Variants in ERBB4 observed in about 807,000 individuals in gnomAD.
The protein encoded by ERBB4 is receptor tyrosine-protein kinase erbB-4.
ERBB4 carries 42 observed loss-of-function variants against 158.0 expected under a neutral mutation model. The ratio of observed to expected loss-of-function variants is 0.27; its 90% CI spans 0.21 to 0.34. ERBB4 has a LOEUF of 0.34. ERBB4 is among the 10% of genes least tolerant of loss of function. The pLI, the probability that ERBB4 is intolerant of heterozygous loss-of-function variation, is 1.00. For missense variants in ERBB4, 1,333 were observed against 1,624.1 expected, an observed-to-expected ratio of 0.82 and a Z score of 3.08; for synonymous variants, 583 against 558.7, an observed-to-expected ratio of 1.04 and a Z score of -0.61.
At chr2:212,526,711 G>T (rs994670980) in intron 1 of ERBB4, among the ~76,000 whole-genome samples, 1 of 151,966 alleles carries the variant, frequency 6.6e-6, no homozygotes. Flanking sequence ...TAACTGAAAT[G>T]CATTGTTTCA....
At chr2:212,396,876 A>G (rs1377921017) in intron 1 of ERBB4, among the ~76,000 whole-genome samples, 3 of 152,186 alleles carry the variant, frequency 2.0e-5, no homozygotes, top group Non-Finnish European at 1.5e-5. Context: ...TCATCATAAT[A>G]ACCTCCTACA....
At chr2:212,483,788 G>C (rs1429340992) in intron 1 of ERBB4, among the ~76,000 whole-genome samples, 1 of 152,154 alleles carries the variant, frequency 6.6e-6, no homozygotes, top group Non-Finnish European at 1.5e-5. Context: ...CCAGGCTGGA[G>C]TGCAGTGGCG....
intron 1 of ERBB4, among the ~76,000 whole-genome samples, chr2:212,337,989 T>C (rs2088525642): frequency 6.6e-6 from 1 of 152,110 alleles, no homozygotes; most frequent in African/African-American, 2.4e-5. Flanking sequence ...TGAATGCCAT[T>C]AGTAACTGTG....
At chr2:211,450,653 G>A (rs2125476344) in intron 20 of ERBB4, among the ~76,000 whole-genome samples, 1 of 152,276 alleles carries the variant, frequency 6.6e-6, no homozygotes. Flanking sequence ...CTGATTGGAT[G>A]GTGATATATG....
intron 9 of ERBB4, among the ~76,000 whole-genome samples, chr2:211,709,272 T>TATATATATATATATATAC (rs1216222413): frequency 4.3e-5 from 6 of 141,082 alleles, no homozygotes; most frequent in African/African-American, 1.7e-4. Context: ...TATATATATA[T>TATATATATATATATATAC]ATACATACAT....
chr2:211,560,711 T>C (rs778090585), intron 20 of ERBB4, among the ~76,000 whole-genome samples: 3 of 152,166 alleles, frequency 2.0e-5, no homozygotes, highest in Non-Finnish European at 4.4e-5. Flanking sequence ...TTCATTGCCA[T>C]AAAGAATCCT....
rs145624362 is a variant in ERBB4, at chr2:212,342,234, T to C, written c.82+196215A>G. On this transcript the variant is annotated intron_variant, in intron 1 of 27. Transcript: ENST00000342788. ...TACAAGCAACATAAATGATATGATT[T>C]GGCTGTGTCCCAACTCAAATCTCAT... 2.6e-5 allele frequency among the ~76,000 whole-genome samples: 4 copies of C among 152,324 alleles called. No homozygotes were observed. In the East Asian group the frequency reaches 7.7e-4, roughly 29 times the overall value.
chr2:212,103,708 T>A (rs1359391251), intron 2 of ERBB4, among the ~76,000 whole-genome samples: 1 of 137,606 alleles, frequency 7.3e-6, no homozygotes, highest in East Asian at 1.9e-4. Flanking sequence ...TGCAATCCAA[T>A]GTCTGATTTT....
chr2:211,803,010 AC>A (rs1420958565), intron 3 of ERBB4, among the ~76,000 whole-genome samples: 2 of 152,236 alleles, frequency 1.3e-5, no homozygotes, highest in Non-Finnish European at 2.9e-5. Flanking sequence ...AAAAGTTGGC[AC>A]ATTTTCAAGG....
intron 1 of ERBB4, among the ~76,000 whole-genome samples, chr2:212,501,266 G>T (rs150026817): frequency 1.6e-4 from 25 of 152,310 alleles, no homozygotes; most frequent in South Asian, 4.1e-4. Context: ...AAAGTTCTCT[G>T]TGGTGACTTT....
chr2:211,748,438 G>T (rs1486998751), intron 5 of ERBB4, among the ~76,000 whole-genome samples: 1 of 152,172 alleles, frequency 6.6e-6, no homozygotes, highest in East Asian at 1.9e-4. Flanking sequence ...GTGGTGGGAG[G>T]AAGTAATTTT....
intron 1 of ERBB4, among the ~76,000 whole-genome samples, chr2:212,456,509 C>T (rs1308385924): frequency 6.6e-6 from 1 of 151,488 alleles, no homozygotes; most frequent in African/African-American, 2.4e-5. Context: ...TATAAAAAGA[C>T]TGAGTCTGCT....
chr2:212,161,270 T>C (rs992573921), intron 1 of ERBB4, among the ~76,000 whole-genome samples: 1 of 151,978 alleles, frequency 6.6e-6, no homozygotes, highest in African/African-American at 2.4e-5. Flanking sequence ...GAAGTTTCTA[T>C]GTAATTTCCT....
At chr2:212,363,726 A>C (rs2089779877) in intron 1 of ERBB4, among the ~76,000 whole-genome samples, 1 of 151,718 alleles carries the variant, frequency 6.6e-6, no homozygotes, top group Admixed American at 6.6e-5. Context: ...ATATGGATTT[A>C]CACTGGAAAA....
intron 1 of ERBB4, among the ~76,000 whole-genome samples, chr2:212,198,978 A>G (rs2082513504): frequency 1.3e-5 from 2 of 152,024 alleles, no homozygotes; most frequent in South Asian, 2.1e-4. Context: ...ACATTAATTC[A>G]CAAATATCTG....
chr2:211,661,633 C>A (rs62185367), intron 15 of ERBB4, among the ~76,000 whole-genome samples: 56,863 of 151,894 alleles, frequency 0.37, 11,532 homozygotes, highest in Middle Eastern at 0.5. Flanking sequence ...TTTAAAAATT[C>A]TCCATTAAAA....
intron 1 of ERBB4, among the ~76,000 whole-genome samples, chr2:212,463,223 A>G (rs902745974): frequency 6.6e-6 from 1 of 152,100 alleles, no homozygotes; most frequent in Non-Finnish European, 1.5e-5. Context: ...CGACAATTAT[A>G]TATTTTCAAA....
At chr2:212,139,659 A>G (rs778695772) in intron 1 of ERBB4, among the ~76,000 whole-genome samples, 1 of 151,982 alleles carries the variant, frequency 6.6e-6, no homozygotes, top group Non-Finnish European at 1.5e-5. Flanking sequence ...AATTTCTGAG[A>G]GTCTAAATTA....
intron 2 of ERBB4, among the ~76,000 whole-genome samples, chr2:212,042,873 C>T (rs1012161195): frequency 1.3e-5 from 2 of 152,092 alleles, no homozygotes; most frequent in Non-Finnish European, 2.9e-5. Flanking sequence ...AGAACTAAAT[C>T]TTTCTTAGAT....
Sources: gnomAD v4.1 joint callset for allele counts (sites outside exome capture counted in the v4.1 genomes callset) on GRCh38, gnomAD v4.1.1 for gene constraint, MANE v1.5 for transcripts, NCBI Gene and HGNC (gene_info 2026-07-23, HGNC 2026-07-21) for gene names.